The following WDR20 variants were observed in gnomAD, a reference collection of about 807,000 sequenced individuals.
WDR20 encodes the protein WD repeat domain 20.
WDR20 carries 3 observed loss-of-function variants against 38.7 expected under a neutral mutation model. The observed-to-expected ratio is 0.08, with a 90% CI of 0.04 to 0.20. The LOEUF (loss-of-function observed/expected upper bound fraction) is 0.20. WDR20 is among the 10% of genes least tolerant of loss of function. The pLI is 1.00. For missense variants in WDR20, 559 were observed against 727.7 expected (o/e 0.77, Z 2.67); for synonymous variants, 298 against 285.6 (o/e 1.04, Z -0.44).
At chr14:102,187,236 G>C (rs1227688464) in intron 1 of WDR20, among the ~76,000 whole-genome samples, 1 of 152,170 alleles carries the variant, frequency 6.6e-6, no homozygotes, top group Non-Finnish European at 1.5e-5. Context: ...AGCTAGTTTT[G>C]ATTAATTCAT....
At chr14:102,185,564 A>G (rs931271364) in intron 1 of WDR20, among the ~76,000 whole-genome samples, 12 of 152,006 alleles carry the variant, frequency 7.9e-5, no homozygotes, top group African/African-American at 2.4e-4. Context: ...GGCTGATTCT[A>G]TTTTCTTGTT....
At chr14:102,184,572 C>G (rs2064135992) in intron 1 of WDR20, among the ~76,000 whole-genome samples, 1 of 152,062 alleles carries the variant, frequency 6.6e-6, no homozygotes, top group African/African-American at 2.4e-5. Context: ...CTCTCCCCAC[C>G]CGATGCAGAG....
intron 1 of WDR20, among the ~76,000 whole-genome samples, chr14:102,192,301 T>A (rs1438397974): frequency 6.6e-6 from 1 of 151,882 alleles, no homozygotes; most frequent in Non-Finnish European, 1.5e-5. Flanking sequence ...TGTCTCAGCC[T>A]CCCGAGTAGC....
intron 1 of WDR20, among the ~76,000 whole-genome samples, chr14:102,162,710 C>A (rs2059010521): frequency 6.6e-6 from 1 of 152,078 alleles, no homozygotes. Context: ...GCCTCCTGGG[C>A]TCAAGCCAGC....
At chr14:102,164,530 T>G (rs1039740117) in intron 1 of WDR20, among the ~76,000 whole-genome samples, 5 of 152,212 alleles carry the variant, frequency 3.3e-5, no homozygotes, top group African/African-American at 1.2e-4. Flanking sequence ...AATATGGCCT[T>G]GCTTCTCACT....
rs765243769 is a variant in WDR20 at position 102,139,928 on chromosome 14, C to G, written c.5C>G (p.Ala2Gly). M[A>G]TEGGGKEMNE... The stretch of plus-strand genomic sequence containing the variant: ...GGATGAACGCTGCTTTCCAAGATGG[C>G]GACGGAGGGAGGAGGGAAGGAGATG... The change falls in exon 1 of 3, where the codon GCG becomes GGG. Residue 2 changes from alanine to glycine, a missense_variant. Coordinates refer to ENST00000342702, the MANE Select transcript of WDR20 (RefSeq NM_144574.4). 8.1e-6 allele frequency: 13 copies of G among 1,612,070 alleles called. No individual in the cohort carries two copies. Among genetic ancestry groups the G allele is most frequent in the Non-Finnish European group, 9.3e-6 (11 of 1,178,248 alleles).
At position 102,210,413 on chromosome 14, in the gene WDR20, T is replaced by G. The variant is rs1315522776; in HGVS notation, c.*533T>G. 1 of 985,408 alleles carries G rather than the reference T, an allele frequency of 1.0e-6. No homozygotes were observed. Among genetic ancestry groups the G allele is most frequent in the Non-Finnish European group, 1.2e-6 (1 of 829,958 alleles). The allele number at this position is 985,408 out of a possible 1,614,324, so 61.0% of individuals were successfully genotyped here. Reference sequence around the variant, plus strand: ...AAACGTTTAGCAGGGTTGATTGATATTATTTTTACATTGTTCTGGCAATCC... The same window carrying G: ...AAACGTTTAGCAGGGTTGATTGATAGTATTTTTACATTGTTCTGGCAATCC... On this transcript the variant is annotated 3_prime_UTR_variant, in exon 3 of 3. Transcript: ENST00000342702.
chr14:102,214,324 A>G, downstream of WDR20: 1 of 985,498 alleles, frequency 1.0e-6, no homozygotes, highest in Non-Finnish European at 1.2e-6. Flanking sequence ...CAAGGTGCAC[A>G]TCACAGCGAC....
At chr14:102,206,443 A>G (rs2153002931) in intron 2 of WDR20, among the ~76,000 whole-genome samples, 1 of 152,292 alleles carries the variant, frequency 6.6e-6, no homozygotes, top group East Asian at 1.9e-4. Context: ...GTTCTCATGC[A>G]GTTTTTTGTT....
Position 102,155,762 on chromosome 14 carries a change from A to G in WDR20, c.249+15590A>G, listed in dbSNP as rs563550473. On this transcript the variant is annotated intron_variant, in intron 1 of 2. Coordinates refer to ENST00000342702, the MANE Select transcript of WDR20 (RefSeq NM_144574.4). ...ATAATGGGACCTGTGGCAATTATCAATGAAAATCACAGACATTTTTTCCTT... is the reference window on the plus strand; with the variant it reads ...ATAATGGGACCTGTGGCAATTATCAGTGAAAATCACAGACATTTTTTCCTT... 2.2e-4 allele frequency among the ~76,000 whole-genome samples: 33 copies of G among 152,068 alleles called. 1 individual carries two copies. The East Asian group carries it at 4.4e-3, about 20-fold the overall frequency.
downstream of WDR20, chr14:102,213,720 A>T: frequency 1.0e-6 from 1 of 985,392 alleles, no homozygotes; most frequent in South Asian, 4.7e-5. Flanking sequence ...AATAAATTGT[A>T]AAGTATGAAA....
At chr14:102,156,433 G>T (rs916444213) in intron 1 of WDR20, among the ~76,000 whole-genome samples, 1 of 152,098 alleles carries the variant, frequency 6.6e-6, no homozygotes, top group African/African-American at 2.4e-5. Context: ...CTCCCAAAGT[G>T]CTGGGATTGC....
At chr14:102,165,680 A>G (rs2152799714) in intron 1 of WDR20, among the ~76,000 whole-genome samples, 1 of 140,346 alleles carries the variant, frequency 7.1e-6, no homozygotes, top group Admixed American at 7.7e-5. Flanking sequence ...TCTGTTGCTC[A>G]GGCTGGAGTG....
chr14:102,139,694 G>T, upstream of WDR20: 1 of 679,332 alleles, frequency 1.5e-6, no homozygotes, highest in East Asian at 2.7e-5. Context: ...CCCGGGGGAG[G>T]AGCCTGCGGA....
intron 1 of WDR20, among the ~76,000 whole-genome samples, chr14:102,146,546 C>A (rs544015421): frequency 6.6e-6 from 1 of 152,172 alleles, no homozygotes; most frequent in South Asian, 2.1e-4. Context: ...ATTTTTAGAT[C>A]CTGATTAAAG....
rs147480784 is a variant in WDR20 at position 102,195,235 on chromosome 14, GC to G, written c.432+118del. ...GCTAAGCCCATTTTTTATTCGCCCA[GC>G]CCTCCTACCTAGTATGCCCAAGTTT... On this transcript the variant is annotated intron_variant, in intron 2 of 2. Transcript: ENST00000342702. The G allele has an allele frequency of 1.1e-3, 1,246 of 1,160,356 alleles. 12 individuals carry two copies. In the African/African-American group the frequency reaches 0.016, roughly 15 times the overall value. 71.9% of individuals were successfully genotyped at this position (1,160,356 alleles called of 1,614,324 possible).
intron 1 of WDR20, among the ~76,000 whole-genome samples, chr14:102,173,459 TTATTATTATTATTATTA>T: frequency 6.8e-6 from 1 of 146,644 alleles, no homozygotes; most frequent in African/African-American, 2.5e-5. Flanking sequence ...ATTATTATTA[TTATTATTATTATTATTA>T]TTATTTTTAT....
At chr14:102,194,057 C>A (rs1462873583) in intron 1 of WDR20, among the ~76,000 whole-genome samples, 1 of 152,206 alleles carries the variant, frequency 6.6e-6, no homozygotes, top group African/African-American at 2.4e-5. Flanking sequence ...TCTCCCCATC[C>A]CCTTAATGGT....
At chr14:102,151,059 A>T (rs371185361) in intron 1 of WDR20, among the ~76,000 whole-genome samples, 1 of 152,224 alleles carries the variant, frequency 6.6e-6, no homozygotes, top group East Asian at 1.9e-4. Context: ...AAAGGCATTC[A>T]GAACTGAACA....
Sources: allele counts gnomAD v4.1 joint callset (sites outside exome capture counted in the v4.1 genomes callset), GRCh38; gene constraint gnomAD v4.1.1; transcripts MANE v1.5; gene names NCBI Gene and HGNC (gene_info 2026-07-23, HGNC 2026-07-21).